Variants in AMOTL1 observed in about 807,000 individuals in gnomAD.
The protein encoded by AMOTL1 is angiomotin like 1.
A neutral mutation model predicts 102.9 loss-of-function variants in AMOTL1; 45 were observed. The observed-to-expected ratio is 0.44, with a 90% CI of 0.34 to 0.56. The LOEUF is 0.56. AMOTL1 is among the 20% of genes least tolerant of loss of function. AMOTL1 has a pLI of 0.01. For synonymous variants in AMOTL1, 481 were observed against 484.7 expected, an observed-to-expected ratio of 0.99 and a Z score of 0.10; for missense variants, 1,114 against 1,225.6, an observed-to-expected ratio of 0.91 and a Z score of 1.36.
intron 1 of AMOTL1, among the ~76,000 whole-genome samples, chr11:94,709,109 G>A (rs1451876287): frequency 6.6e-6 from 1 of 152,158 alleles, no homozygotes; most frequent in Non-Finnish European, 1.5e-5. Context: ...TGCCTACTCT[G>A]TGCCAGCTCC....
chr11:94,805,669 A>G (rs555195295), intron 3 of AMOTL1, among the ~76,000 whole-genome samples: 1 of 152,222 alleles, frequency 6.6e-6, no homozygotes, highest in South Asian at 2.1e-4. Flanking sequence ...AGGGGATTTG[A>G]TTTACTAGCT....
intron 8 of AMOTL1, among the ~76,000 whole-genome samples, chr11:94,858,190 C>T (rs576245882): frequency 6.6e-6 from 1 of 152,276 alleles, no homozygotes; most frequent in South Asian, 2.1e-4. Context: ...CGTCTCATCT[C>T]GCTGGACTGG....
intron 3 of AMOTL1, among the ~76,000 whole-genome samples, chr11:94,741,243 TGTGA>T (rs1392942316): frequency 6.6e-6 from 1 of 151,612 alleles, no homozygotes; most frequent in Non-Finnish European, 1.5e-5. Flanking sequence ...TGTGTGTGTG[TGTGA>T]GTGCGTGTGT....
At chr11:94,747,821 A>G (rs1950607871) in intron 3 of AMOTL1, among the ~76,000 whole-genome samples, 1 of 152,160 alleles carries the variant, frequency 6.6e-6, no homozygotes, top group South Asian at 2.1e-4. Flanking sequence ...GTTTGCATCC[A>G]TTTGTCAGGT....
At chr11:94,761,453 T>C (rs1950791879) in intron 3 of AMOTL1, among the ~76,000 whole-genome samples, 1 of 152,146 alleles carries the variant, frequency 6.6e-6, no homozygotes, top group Non-Finnish European at 1.5e-5. Context: ...CCTCCCAAAG[T>C]GCTGGGATTA....
chr11:94,821,196 C>T (rs1438539557), intron 3 of AMOTL1, among the ~76,000 whole-genome samples: 3 of 152,200 alleles, frequency 2.0e-5, no homozygotes, highest in African/African-American at 7.2e-5. Flanking sequence ...CATTCCCTGT[C>T]ACTTGGGGTC....
At chr11:94,792,501 G>C (rs147458201) in intron 1 of AMOTL1, among the ~76,000 whole-genome samples, 2 of 152,372 alleles carry the variant, frequency 1.3e-5, no homozygotes, top group East Asian at 3.9e-4. Flanking sequence ...TTCAGGCTGT[G>C]TCAGTGCTGG....
intron 8 of AMOTL1, among the ~76,000 whole-genome samples, chr11:94,857,877 G>A (rs541021678): frequency 5.3e-5 from 8 of 152,006 alleles, no homozygotes; most frequent in East Asian, 3.9e-4. Context: ...CTGAATGGGC[G>A]GCAGTAGCTG....
chr11:94,840,679 T>TACACACACAC (rs1347475318), intron 6 of AMOTL1, among the ~76,000 whole-genome samples: 1 of 129,362 alleles, frequency 7.7e-6, no homozygotes, highest in African/African-American at 3.1e-5. Context: ...TATATATATA[T>TACACACACAC]ATACACACAC....
intron 6 of AMOTL1, among the ~76,000 whole-genome samples, chr11:94,837,561 C>T (rs1046676134): frequency 2.6e-5 from 4 of 152,204 alleles, no homozygotes; most frequent in Non-Finnish European, 4.4e-5. Flanking sequence ...TGATAGGCAG[C>T]ACTGAGAAAC....
At chr11:94,846,372 T>C (rs1046518429) in intron 6 of AMOTL1, among the ~76,000 whole-genome samples, 1 of 152,268 alleles carries the variant, frequency 6.6e-6, no homozygotes, top group Non-Finnish European at 1.5e-5. Flanking sequence ...ACCAGTGTTA[T>C]CGAAGTTGAC....
intron 3 of AMOTL1, among the ~76,000 whole-genome samples, chr11:94,802,529 G>A (rs1951497483): frequency 6.6e-6 from 1 of 152,214 alleles, no homozygotes; most frequent in South Asian, 2.1e-4. Context: ...AAATGGTCAG[G>A]GGAGGAGGGG....
At chr11:94,861,530 G>A (rs923269031) in intron 9 of AMOTL1, among the ~76,000 whole-genome samples, 11 of 152,172 alleles carry the variant, frequency 7.2e-5, no homozygotes, top group Admixed American at 2.0e-4. Flanking sequence ...TGGAAAGAAC[G>A]TTGCACAGGG....
intron 12 of AMOTL1, among the ~76,000 whole-genome samples, chr11:94,869,731 C>A (rs887086482): frequency 6.6e-6 from 1 of 152,188 alleles, no homozygotes; most frequent in Non-Finnish European, 1.5e-5. Flanking sequence ...TTTTAACTAA[C>A]CTTTCCCCGG....
At chr11:94,785,075 G>A (rs1457873666) in intron 1 of AMOTL1, among the ~76,000 whole-genome samples, 1 of 152,152 alleles carries the variant, frequency 6.6e-6, no homozygotes, top group Non-Finnish European at 1.5e-5. Flanking sequence ...GGCAGGGAGT[G>A]CCCTGTTATT....
chr11:94,732,162 T>C (rs150733662), intron 2 of AMOTL1, among the ~76,000 whole-genome samples: 115 of 152,330 alleles, frequency 7.5e-4, no homozygotes, highest in African/African-American at 2.6e-3. Flanking sequence ...TTTGCATTTC[T>C]AGTGGAGTAC....
intron 2 of AMOTL1, among the ~76,000 whole-genome samples, chr11:94,797,842 G>A (rs752109462): frequency 1.7e-4 from 26 of 152,196 alleles, no homozygotes; most frequent in Non-Finnish European, 3.2e-4. Flanking sequence ...TTGTTGGATA[G>A]GTAGGTAGTA....
At chr11:94,838,333 T>G (rs924022859) in intron 6 of AMOTL1, among the ~76,000 whole-genome samples, 2 of 152,236 alleles carry the variant, frequency 1.3e-5, no homozygotes, top group Non-Finnish European at 2.9e-5. Flanking sequence ...ATCATTATCA[T>G]TTATTCAAGC....
chr11:94,735,566 A>G (rs925967880), intron 2 of AMOTL1, among the ~76,000 whole-genome samples: 8 of 152,170 alleles, frequency 5.3e-5, no homozygotes, highest in Non-Finnish European at 1.2e-4. Context: ...TTGCCTTCCT[A>G]AACAGAAAAC....
Sources: allele counts gnomAD v4.1 joint callset (sites outside exome capture counted in the v4.1 genomes callset), GRCh38; gene constraint gnomAD v4.1.1; transcripts MANE v1.5; gene names NCBI Gene and HGNC (gene_info 2026-07-23, HGNC 2026-07-21).